Variants in RAB22A observed in about 807,000 individuals in gnomAD.
The protein encoded by RAB22A is ras-related protein Rab-22A.
A neutral mutation model predicts 30.2 loss-of-function variants in RAB22A; 13 were observed. The ratio of observed to expected loss-of-function variants is 0.43; its 90% CI spans 0.28 to 0.68. The LOEUF (loss-of-function observed/expected upper bound fraction) is 0.68. Ranked by LOEUF, RAB22A falls within the 30% of genes least tolerant of loss-of-function variation. The probability of loss-of-function intolerance (pLI) is 0.18; values close to 1 mark genes in which losing one functional copy is unlikely to be tolerated. For synonymous variants in RAB22A, 89 were observed against 87.2 expected, an observed-to-expected ratio of 1.02 and a Z score of -0.11; for missense variants, 177 against 246.8, an observed-to-expected ratio of 0.72 and a Z score of 1.89.
intron 6 of RAB22A, among the ~76,000 whole-genome samples, chr20:58,357,082 G>C (rs2122971998): frequency 6.6e-6 from 1 of 152,310 alleles, no homozygotes; most frequent in East Asian, 1.9e-4. Flanking sequence ...ATTCAGTACA[G>C]CTTTACCGCC....
chr20:58,315,696 C>T (rs1986322700), intron 2 of RAB22A, among the ~76,000 whole-genome samples: 1 of 151,906 alleles, frequency 6.6e-6, no homozygotes, highest in South Asian at 2.1e-4. Flanking sequence ...CCTCTTCACC[C>T]CACCCCCAGC....
chr20:58,322,849 C>T (rs1393193021), intron 2 of RAB22A, among the ~76,000 whole-genome samples: 1 of 152,042 alleles, frequency 6.6e-6, no homozygotes, highest in Non-Finnish European at 1.5e-5. Context: ...ATCCTTGTGC[C>T]ATTGTCACGA....
chr20:58,317,815 G>C (rs561310237), intron 2 of RAB22A, among the ~76,000 whole-genome samples: 1 of 152,038 alleles, frequency 6.6e-6, no homozygotes, highest in South Asian at 2.1e-4. Context: ...CAAAGTGCTG[G>C]GATTACAGGC....
rs968501818 is a variant in RAB22A at position 58,359,843 on chromosome 20, G to C, written c.*140G>C. On this transcript the variant is annotated 3_prime_UTR_variant, in exon 7 of 7. Transcript: ENST00000244040. ...AAAAAGGATTCACAGAAATGGACCAGTTCTGTTCTCCAAAGACTGCAGCAA... is the reference window on the plus strand; with the variant it reads ...AAAAAGGATTCACAGAAATGGACCACTTCTGTTCTCCAAAGACTGCAGCAA... 1.6e-6 allele frequency: 1 copy of C among 618,514 alleles called. No individual in the cohort carries two copies. Among genetic ancestry groups the C allele is most frequent in the Non-Finnish European group, 2.7e-6 (1 of 368,502 alleles). 38.3% of individuals were successfully genotyped at this position (618,514 alleles called of 1,614,324 possible).
At chr20:58,357,939 G>A (rs558571093) in intron 6 of RAB22A, among the ~76,000 whole-genome samples, 1 of 152,322 alleles carries the variant, frequency 6.6e-6, no homozygotes, top group South Asian at 2.1e-4. Context: ...AAATACTTCT[G>A]TGTCAGGTAT....
In RAB22A at chr20:58,321,050, C is replaced by A. The variant is rs1043472569; in HGVS notation, c.116+9928C>A. The stretch of plus-strand genomic sequence containing the variant: ...ACTAAAAATACAAAAATTAGCTGGG[C>A]GTGGTGGCACACGCCTGTAATCCCA... On this transcript the variant is annotated intron_variant, in intron 2 of 6. Coordinates refer to ENST00000244040, the MANE Select transcript of RAB22A (RefSeq NM_020673.3). 2.6e-5 allele frequency among the ~76,000 whole-genome samples: 4 copies of A among 152,086 alleles called. 1 individual carries two copies. The highest frequency in any genetic ancestry group is 9.7e-5 in the African/African-American group (4 of 41,422).
chr20:58,339,074 G>A (rs939177375), intron 2 of RAB22A, among the ~76,000 whole-genome samples: 8 of 152,226 alleles, frequency 5.3e-5, no homozygotes, highest in African/African-American at 1.9e-4. Context: ...GTCTACTGCA[G>A]TTAAAGAAAA....
At chr20:58,310,108 C>T (rs1301948429) in intron 1 of RAB22A, 96 bp downstream of exon 1, 5 of 1,153,802 alleles carry the variant, frequency 4.3e-6, no homozygotes, top group Non-Finnish European at 5.5e-6. Flanking sequence ...CCCCCTCCCA[C>T]GTCCAAGACG....
intron 2 of RAB22A, among the ~76,000 whole-genome samples, chr20:58,321,087 G>T (rs1759692498): frequency 6.6e-6 from 1 of 152,100 alleles, no homozygotes; most frequent in African/African-American, 2.4e-5. Context: ...CTATTCAGGA[G>T]GCCGAGGCAA....
chr20:58,312,778 C>CCA (rs1986257358), intron 2 of RAB22A, among the ~76,000 whole-genome samples: 1 of 152,080 alleles, frequency 6.6e-6, no homozygotes. Flanking sequence ...GCGTGAGCCA[C>CCA]CGTGCCTGGC....
chr20:58,358,358 G>C (rs1244395920), intron 6 of RAB22A, among the ~76,000 whole-genome samples: 3 of 152,170 alleles, frequency 2.0e-5, no homozygotes, highest in Non-Finnish European at 2.9e-5. Context: ...TCCTGCATTT[G>C]TGCTAGATAG....
At chr20:58,320,264 C>G (rs1600724746) in intron 2 of RAB22A, among the ~76,000 whole-genome samples, 1 of 152,134 alleles carries the variant, frequency 6.6e-6, no homozygotes, top group Non-Finnish European at 1.5e-5. Flanking sequence ...AGATTCAATT[C>G]CTTTAGTAAA....
chr20:58,356,619 TG>T (rs1192853817), intron 6 of RAB22A, among the ~76,000 whole-genome samples: 1 of 152,220 alleles, frequency 6.6e-6, no homozygotes, highest in Non-Finnish European at 1.5e-5. Context: ...GCACTCTGGT[TG>T]GGACATGGCC....
At chr20:58,314,589 C>A (rs1446908629) in intron 2 of RAB22A, among the ~76,000 whole-genome samples, 1 of 151,996 alleles carries the variant, frequency 6.6e-6, no homozygotes, top group Admixed American at 6.6e-5. Flanking sequence ...ACCTGTAATC[C>A]CAGCACTTTC....
At chr20:58,338,957 T>C (rs1408604641) in intron 2 of RAB22A, among the ~76,000 whole-genome samples, 2 of 152,240 alleles carry the variant, frequency 1.3e-5, no homozygotes, top group Non-Finnish European at 2.9e-5. Flanking sequence ...TATGCCATTA[T>C]GGGGATGACA....
At chr20:58,323,234 A>T (rs1718980545) in intron 2 of RAB22A, among the ~76,000 whole-genome samples, 1 of 152,110 alleles carries the variant, frequency 6.6e-6, no homozygotes, top group Admixed American at 6.5e-5. Context: ...TGCTGTTAAT[A>T]TGGTAAATGG....
intron 2 of RAB22A, among the ~76,000 whole-genome samples, chr20:58,313,559 A>T (rs1986273507): frequency 6.6e-6 from 1 of 152,122 alleles, no homozygotes; most frequent in African/African-American, 2.4e-5. Context: ...AAGAGAAGTT[A>T]CCACTTCCGC....
At chr20:58,331,793 CT>C (rs1267717862) in intron 2 of RAB22A, among the ~76,000 whole-genome samples, 1 of 152,124 alleles carries the variant, frequency 6.6e-6, no homozygotes, top group African/African-American at 2.4e-5. Flanking sequence ...CTTGCATAGT[CT>C]GTGTCTCTTC....
Position 58,360,376 on chromosome 20 carries a change from C to T in RAB22A, c.*673C>T, listed in dbSNP as rs1987205633. 1 of 152,612 alleles carries T rather than the reference C, an allele frequency of 6.6e-6. No individual in the cohort carries two copies. The highest frequency in any genetic ancestry group is 6.5e-5 in the Admixed American group (1 of 15,282). The allele number at this position is 152,612 out of a possible 1,614,324, so 9.5% of individuals were successfully genotyped here. ...TGTGCCACCAAACACGTTATTGGCA[C>T]CTTTTTAAATAAGCTCTCATGATCA... On this transcript the variant is annotated 3_prime_UTR_variant, in exon 7 of 7. Coordinates refer to ENST00000244040, the MANE Select transcript of RAB22A (RefSeq NM_020673.3).
Sources: gnomAD v4.1 joint callset for allele counts (sites outside exome capture counted in the v4.1 genomes callset) on GRCh38, gnomAD v4.1.1 for gene constraint, MANE v1.5 for transcripts, NCBI Gene and HGNC (gene_info 2026-07-23, HGNC 2026-07-21) for gene names.